TTC23: variants seen among roughly 807,000 people sequenced by gnomAD.
The protein encoded by TTC23 is tetratricopeptide repeat domain 23.
TTC23 carries 58 observed loss-of-function variants against 55.1 expected under a neutral mutation model. That is an observed-to-expected ratio of 1.05 (90% CI 0.85 to 1.31). The LOEUF is 1.31. TTC23 is among the 50% of genes most tolerant of loss of function. TTC23 has a pLI of 0.00. For missense variants in TTC23, 516 were observed against 534.4 expected, an observed-to-expected ratio of 0.97 and a Z score of 0.34; for synonymous variants, 203 against 199.9, an observed-to-expected ratio of 1.02 and a Z score of -0.13.
At chr15:99,199,138 T>C (rs2075986910) in intron 9 of TTC23, among the ~76,000 whole-genome samples, 1 of 152,142 alleles carries the variant, frequency 6.6e-6, no homozygotes. Flanking sequence ...GTGGCCCTCA[T>C]CAAATCAGTT....
rs1203782643 is a variant in TTC23 at position 99,226,019 on chromosome 15, G to A, written c.180+2514C>T. On this transcript the variant is annotated intron_variant, in intron 5 of 13. Coordinates refer to ENST00000394132, the MANE Select transcript of TTC23 (RefSeq NM_001288615.3). Reference sequence around the variant, plus strand: ...ATAGAATCATGAGGAAGCATAAGACGAACTCAAACAGAGAGATATTCTACA... The same window carrying A: ...ATAGAATCATGAGGAAGCATAAGACAAACTCAAACAGAGAGATATTCTACA... Among the ~76,000 whole-genome samples, 3 of 152,080 alleles carry A rather than the reference G, an allele frequency of 2.0e-5. No individual in the cohort carries two copies. In the South Asian group the frequency reaches 6.2e-4, roughly 31 times the overall value.
chr15:99,230,927 T>C (rs62025698), intron 4 of TTC23, among the ~76,000 whole-genome samples: 8,112 of 152,300 alleles, frequency 0.053, 289 homozygotes, highest in East Asian at 0.11. Flanking sequence ...GGTACGTACA[T>C]GGGCAAATGT....
chr15:99,250,770 T>C (rs1355777398), upstream of TTC23, among the ~76,000 whole-genome samples: 3 of 152,196 alleles, frequency 2.0e-5, no homozygotes, highest in African/African-American at 4.8e-5. Flanking sequence ...TTAGCAATCT[T>C]TACTCAAAAT....
intron 4 of TTC23, among the ~76,000 whole-genome samples, chr15:99,229,481 G>T (rs1432685973): frequency 6.6e-6 from 1 of 152,172 alleles, no homozygotes; most frequent in Non-Finnish European, 1.5e-5. Flanking sequence ...ACAGCACAGG[G>T]AAGAGGGGAC....
At chr15:99,198,155 A>G (rs571470291) in intron 9 of TTC23, among the ~76,000 whole-genome samples, 7 of 152,266 alleles carry the variant, frequency 4.6e-5, no homozygotes, top group Non-Finnish European at 8.8e-5. Context: ...TTTCTGACCT[A>G]TATTTTGAGC....
At chr15:99,170,292 C>T (rs1309991199) in intron 10 of TTC23, among the ~76,000 whole-genome samples, 3 of 152,134 alleles carry the variant, frequency 2.0e-5, no homozygotes, top group African/African-American at 7.2e-5. Context: ...TGCTTCTTGG[C>T]CAGTGGCGTT....
intron 9 of TTC23, among the ~76,000 whole-genome samples, chr15:99,183,693 G>A (rs2074389506): frequency 6.6e-6 from 1 of 152,018 alleles, no homozygotes. Flanking sequence ...GAGCATAAAA[G>A]TTTGGAAAAT....
In TTC23 at chr15:99,221,780, C is replaced by T; in HGVS notation, c.265G>A (p.Ala89Thr). Residue 89 changes from alanine to threonine, a missense_variant, in exon 6 of 14, where the codon GCA becomes ACA. By Grantham distance (58) the Ala-to-Thr change is moderately conservative. Coordinates refer to ENST00000394132, the MANE Select transcript of TTC23 (RefSeq NM_001288615.3). ...YGDSHWKLAE[A>T]HVNLAQGYLQ... ...TAGCCTTGAGCCAGATTAACATGTG[C>T]CTCTGCTAGTTTCCAATGTGAGTCT... The T allele has an allele frequency of 6.2e-7, 1 of 1,614,126 alleles. No individual in the cohort carries two copies. Among genetic ancestry groups the T allele is most frequent in the Non-Finnish European group, 8.5e-7 (1 of 1,180,004 alleles).
At chr15:99,211,235 C>T (rs190459781) in intron 8 of TTC23, among the ~76,000 whole-genome samples, 231 of 152,088 alleles carry the variant, frequency 1.5e-3, no homozygotes, top group African/African-American at 5.2e-3. Context: ...ATTAGCTGGG[C>T]GTGGTGGCAC....
intron 10 of TTC23, among the ~76,000 whole-genome samples, chr15:99,163,711 C>T (rs2071689299): frequency 6.6e-6 from 1 of 152,152 alleles, no homozygotes; most frequent in African/African-American, 2.4e-5. Context: ...GGATGGCACC[C>T]TCATGAATGG....
intron 11 of TTC23, chr15:99,160,645 ATG>A (rs1277491970): frequency 6.6e-6 from 1 of 152,136 alleles, no homozygotes; most frequent in East Asian, 1.9e-4. Context: ...CTATATATAT[ATG>A]TGTGTGAGTG....
intron 6 of TTC23, among the ~76,000 whole-genome samples, chr15:99,221,074 C>T (rs1388006197): frequency 2.0e-5 from 3 of 152,182 alleles, no homozygotes; most frequent in African/African-American, 7.2e-5. Context: ...TTCCCAAATC[C>T]CGGGATTTTG....
intron 3 of TTC23, among the ~76,000 whole-genome samples, chr15:99,235,620 T>G (rs1324661744): frequency 6.6e-6 from 1 of 152,196 alleles, no homozygotes; most frequent in Non-Finnish European, 1.5e-5. Context: ...TCCGCCTGCC[T>G]TGGCCTCCCA....
intron 12 of TTC23, 46 bp downstream of exon 12, chr15:99,156,102 G>T (rs1165084865): frequency 2.5e-6 from 4 of 1,611,464 alleles, no homozygotes; most frequent in Non-Finnish European, 3.4e-6. Context: ...ACCTTGGAGA[G>T]GGGAGGGAGA....
chr15:99,250,186 C>T (rs2080606379), upstream of TTC23, among the ~76,000 whole-genome samples: 2 of 152,006 alleles, frequency 1.3e-5, no homozygotes, highest in Non-Finnish European at 2.9e-5. Context: ...TTAAGACCAG[C>T]AAAAAATTTC....
intron 8 of TTC23, among the ~76,000 whole-genome samples, chr15:99,203,817 T>C (rs970984436): frequency 3.9e-5 from 6 of 152,132 alleles, no homozygotes; most frequent in Admixed American, 3.9e-4. Flanking sequence ...TTTGCTGCAA[T>C]TGACAGGATT....
chr15:99,183,661 GC>G (rs2074386008), intron 9 of TTC23, among the ~76,000 whole-genome samples: 1 of 151,988 alleles, frequency 6.6e-6, no homozygotes, highest in Non-Finnish European at 1.5e-5. Context: ...TTTCTAAGCA[GC>G]CGAGCATTCA....
chr15:99,190,963 T>C (rs2075204674), intron 9 of TTC23, among the ~76,000 whole-genome samples: 1 of 152,096 alleles, frequency 6.6e-6, no homozygotes. Context: ...TGTATTTTTT[T>C]TTGTAGAGAC....
chr15:99,153,440 T>C (rs1431394415), intron 12 of TTC23, among the ~76,000 whole-genome samples: 2 of 152,216 alleles, frequency 1.3e-5, no homozygotes, highest in African/African-American at 4.8e-5. Context: ...TACTGTCTTT[T>C]GCAGCAGAAT....
Sources: allele counts gnomAD v4.1 joint callset (sites outside exome capture counted in the v4.1 genomes callset), GRCh38; gene constraint gnomAD v4.1.1; transcripts MANE v1.5; gene names NCBI Gene and HGNC (gene_info 2026-07-23, HGNC 2026-07-21).